VWC2L: variants seen among roughly 807,000 people sequenced by gnomAD.
VWC2L encodes von Willebrand factor C domain containing 2 like.
VWC2L carries 10 observed loss-of-function variants against 21.6 expected under a neutral mutation model. The observed-to-expected ratio is 0.46, with a 90% CI of 0.29 to 0.78. VWC2L has a LOEUF of 0.78. VWC2L is among the 30% of genes least tolerant of loss of function. The pLI is 0.10. For synonymous variants in VWC2L, 96 were observed against 94.3 expected (o/e 1.02, Z -0.10); for missense variants, 209 against 277.1 (o/e 0.75, Z 1.74).
At chr2:214,449,925 T>C (rs1291138676) in intron 3 of VWC2L, among the ~76,000 whole-genome samples, 1 of 152,194 alleles carries the variant, frequency 6.6e-6, no homozygotes. Flanking sequence ...TAATGCAATA[T>C]ATCTGCCTTC....
intron 3 of VWC2L, among the ~76,000 whole-genome samples, chr2:214,454,129 C>T (rs1452629050): frequency 2.0e-5 from 3 of 151,564 alleles, no homozygotes; most frequent in Non-Finnish European, 4.4e-5. Context: ...GGTTCTGAAA[C>T]GTTGTTAAAC....
intron 3 of VWC2L, among the ~76,000 whole-genome samples, chr2:214,473,295 T>C (rs530586600): frequency 1.3e-5 from 2 of 152,340 alleles, no homozygotes; most frequent in South Asian, 4.1e-4. Flanking sequence ...TAATTCTGTA[T>C]TAAAGTTAAC....
At chr2:214,521,838 TGAGC>T in intron 3 of VWC2L, among the ~76,000 whole-genome samples, 1 of 152,212 alleles carries the variant, frequency 6.6e-6, no homozygotes, top group Non-Finnish European at 1.5e-5. Flanking sequence ...GCTATCTGTA[TGAGC>T]AAAAAAGTAG....
chr2:214,422,721 C>G (rs1224511869), intron 2 of VWC2L, among the ~76,000 whole-genome samples: 2 of 152,150 alleles, frequency 1.3e-5, no homozygotes, highest in East Asian at 3.9e-4. Flanking sequence ...CTCTAGCCTG[C>G]TGTAGAGTAT....
At chr2:214,430,736 C>G (rs796775466) in intron 2 of VWC2L, among the ~76,000 whole-genome samples, 128 of 152,238 alleles carry the variant, frequency 8.4e-4, no homozygotes, top group African/African-American at 2.9e-3. Flanking sequence ...CAAACTCCAC[C>G]AGAGAAAGCC....
chr2:214,534,537 T>G (rs1689495044), intron 3 of VWC2L, among the ~76,000 whole-genome samples: 1 of 152,106 alleles, frequency 6.6e-6, no homozygotes, highest in South Asian at 2.1e-4. Flanking sequence ...TTAGAGCTGC[T>G]GCATGACTCT....
intron 3 of VWC2L, among the ~76,000 whole-genome samples, chr2:214,461,896 G>A (rs1025730458): frequency 6.6e-6 from 1 of 152,200 alleles, no homozygotes; most frequent in Non-Finnish European, 1.5e-5. Flanking sequence ...AGCTACCTCA[G>A]AAAGCTGGCT....
intron 3 of VWC2L, among the ~76,000 whole-genome samples, chr2:214,495,585 T>A (rs555262932): frequency 1.3e-4 from 20 of 152,236 alleles, no homozygotes; most frequent in African/African-American, 4.6e-4. Flanking sequence ...TTTCAGCAGA[T>A]CCCTTAGTCT....
At chr2:214,439,715 A>G (rs1419760683) in intron 3 of VWC2L, among the ~76,000 whole-genome samples, 1 of 152,024 alleles carries the variant, frequency 6.6e-6, no homozygotes, top group Non-Finnish European at 1.5e-5. Context: ...TAAACTTTAT[A>G]TTAAAGATAT....
intron 3 of VWC2L, among the ~76,000 whole-genome samples, chr2:214,559,617 T>G (rs1254375384): frequency 2.1e-5 from 2 of 95,028 alleles, no homozygotes; most frequent in East Asian, 6.9e-4. Flanking sequence ...CTTTTTTCAT[T>G]TTTTTTTTTT....
rs1702684447 is a variant in VWC2L at position 214,436,737 on chromosome 2, T to C, written c.499T>C (p.Cys167Arg). Reference sequence around the variant, plus strand: ...CAACCCAGTCTATGAACCAGAACAATGTTGTCCTGTCTGCAAAAATGGTAA... The same window carrying C: ...CAACCCAGTCTATGAACCAGAACAACGTTGTCCTGTCTGCAAAAATGGTAA... ...CVNPVYEPEQ[C>R]CPVCKNGPNC... Residue 167 changes from cysteine to arginine, a missense_variant, in exon 3 of 4, where the codon TGT becomes CGT. Cys to Arg is a radical substitution (Grantham distance 180). Transcript: ENST00000312504. 2 of 1,613,096 alleles carry C rather than the reference T, an allele frequency of 1.2e-6. No individual in the cohort carries two copies. The highest frequency in any genetic ancestry group is 3.3e-5 in the Admixed American group (2 of 59,944).
intron 3 of VWC2L, among the ~76,000 whole-genome samples, chr2:214,558,807 A>C (rs572735777): frequency 1.4e-5 from 2 of 143,480 alleles, no homozygotes; most frequent in East Asian, 4.0e-4. Flanking sequence ...TACCAACTAT[A>C]GTTTTGTTTT....
At chr2:214,445,552 T>G (rs527992622) in intron 3 of VWC2L, among the ~76,000 whole-genome samples, 2 of 151,820 alleles carry the variant, frequency 1.3e-5, no homozygotes, top group South Asian at 2.1e-4. Context: ...AGGTCATATA[T>G]AGAGAGACCC....
At chr2:214,517,217 G>C (rs1689157571) in intron 3 of VWC2L, among the ~76,000 whole-genome samples, 1 of 152,118 alleles carries the variant, frequency 6.6e-6, no homozygotes, top group Non-Finnish European at 1.5e-5. Context: ...TTCTTCACTT[G>C]GCTTTCAGTA....
intron 3 of VWC2L, among the ~76,000 whole-genome samples, chr2:214,505,496 T>C (rs1688955445): frequency 6.6e-6 from 1 of 152,158 alleles, no homozygotes; most frequent in South Asian, 2.1e-4. Context: ...TCCTTTTTTT[T>C]CTGATTAAGA....
intron 3 of VWC2L, among the ~76,000 whole-genome samples, chr2:214,466,799 A>G (rs1443947065): frequency 6.6e-6 from 1 of 152,018 alleles, no homozygotes; most frequent in Non-Finnish European, 1.5e-5. Context: ...CCCTGTTTCT[A>G]CTTAGGTTTT....
intron 3 of VWC2L, among the ~76,000 whole-genome samples, chr2:214,468,408 T>C (rs1703256852): frequency 1.3e-5 from 2 of 152,202 alleles, no homozygotes; most frequent in Admixed American, 1.3e-4. Context: ...AAATTATGGA[T>C]CCAGCTTTCA....
chr2:214,436,561 T>C (rs1702682120), intron 2 of VWC2L, 68 bp from the exon 3 acceptor site: 2 of 1,570,200 alleles, frequency 1.3e-6, no homozygotes, highest in African/African-American at 1.4e-5. Flanking sequence ...TTTTGTCTTC[T>C]GACAGCATAT....
intron 3 of VWC2L, among the ~76,000 whole-genome samples, chr2:214,444,669 A>G (rs1702813335): frequency 6.6e-6 from 1 of 152,018 alleles, no homozygotes; most frequent in Non-Finnish European, 1.5e-5. Context: ...ATTTTAACCA[A>G]TGTGCTATTG....
Sources: gnomAD v4.1 joint callset for allele counts (sites outside exome capture counted in the v4.1 genomes callset) on GRCh38, gnomAD v4.1.1 for gene constraint, MANE v1.5 for transcripts, NCBI Gene and HGNC (gene_info 2026-07-23, HGNC 2026-07-21) for gene names.